The following KSR1 variants were observed in gnomAD, a reference collection of about 807,000 sequenced individuals.
KSR1 encodes kinase suppressor of ras.
Under a neutral mutation model 92.9 loss-of-function variants are expected in KSR1, and 35 were observed. The observed-to-expected ratio is 0.38, with a 90% CI of 0.29 to 0.50. KSR1 has a LOEUF of 0.50. KSR1 is among the 20% of genes least tolerant of loss of function. KSR1 has a pLI of 0.94. For missense variants in KSR1, 972 were observed against 1,158.5 expected (o/e 0.84, Z 2.34); for synonymous variants, 467 against 472.6 (o/e 0.99, Z 0.15).
At position 27,467,011 on chromosome 17, in the gene KSR1, G is replaced by A. The variant is rs2019731048; in HGVS notation, c.231+10137G>A. ...TTACGGCAAGCTTGCTTTGTGCCTG[G>A]CCCCCTTGTTAAGCTTTATGTAGCA... On this transcript the variant is annotated intron_variant, in intron 1 of 20. Transcript: ENST00000644974. 2.0e-5 allele frequency among the ~76,000 whole-genome samples: 3 copies of A among 152,234 alleles called. No homozygotes were observed. The South Asian group carries it at 6.2e-4, about 32-fold the overall frequency.
At chr17:27,481,512 G>C (rs190266612) in intron 1 of KSR1, among the ~76,000 whole-genome samples, 1 of 152,346 alleles carries the variant, frequency 6.6e-6, no homozygotes, top group East Asian at 1.9e-4. Flanking sequence ...CGTAGGTACT[G>C]TGGCCCTTCA....
At chr17:27,576,338 T>G (rs911990003) in intron 2 of KSR1, among the ~76,000 whole-genome samples, 1 of 152,182 alleles carries the variant, frequency 6.6e-6, no homozygotes, top group Non-Finnish European at 1.5e-5. Context: ...TATACTGTGT[T>G]TTTTCCTATA....
At chr17:27,523,220 A>T (rs376199952) in intron 1 of KSR1, among the ~76,000 whole-genome samples, 7 of 152,246 alleles carry the variant, frequency 4.6e-5, no homozygotes, top group African/African-American at 1.7e-4. Flanking sequence ...GAAGGAAACT[A>T]AAAGCCTATT....
intron 2 of KSR1, among the ~76,000 whole-genome samples, chr17:27,574,790 G>A (rs2072441712): frequency 6.6e-6 from 1 of 152,242 alleles, no homozygotes; most frequent in African/African-American, 2.4e-5. Flanking sequence ...CTCAAGAACT[G>A]TGAGCTTTAT....
intron 2 of KSR1, among the ~76,000 whole-genome samples, chr17:27,558,717 T>C (rs994559467): frequency 7.8e-5 from 11 of 140,442 alleles, no homozygotes; most frequent in South Asian, 2.3e-4. Context: ...TTTTTTTTTT[T>C]CTTTGGAAGG....
At chr17:27,606,965 G>A (rs2073774154) in intron 14 of KSR1, among the ~76,000 whole-genome samples, 1 of 152,026 alleles carries the variant, frequency 6.6e-6, no homozygotes, top group Non-Finnish European at 1.5e-5. Context: ...CCAAGTAGCT[G>A]GGATTACAGC....
rs974506711 is a variant in KSR1, at chr17:27,601,273, G to C, written c.1469-87G>C. On this transcript the variant is annotated intron_variant, in intron 10 of 20. Transcript: ENST00000644974. ...TGTCCCAGCCCAGTAACAAGTCCCT[G>C]CCTCCCAAGCCGGTACCTGCAATTC... is the stretch of plus-strand genomic sequence containing the variant. 10 of 1,183,688 alleles carry C rather than the reference G, an allele frequency of 8.4e-6. No homozygotes were observed. In the East Asian group the frequency reaches 2.4e-4, roughly 28 times the overall value. The allele number at this position is 1,183,688 out of a possible 1,614,324, so 73.3% of individuals were successfully genotyped here.
intron 1 of KSR1, among the ~76,000 whole-genome samples, chr17:27,497,246 A>G: frequency 6.6e-6 from 1 of 152,254 alleles, no homozygotes; most frequent in Non-Finnish European, 1.5e-5. Context: ...CTTAAACTCC[A>G]TACAGAGAAA....
chr17:27,603,731 G>A, intron 11 of KSR1, 103 bp from the exon 12 acceptor site: 1 of 1,154,426 alleles, frequency 8.7e-7, no homozygotes, highest in East Asian at 2.4e-5. Flanking sequence ...AGTCCACTCA[G>A]GGGAAAATCA....
chr17:27,456,976 C>A (rs1207715509), intron 1 of KSR1, 102 bp downstream of exon 1: 1 of 689,660 alleles, frequency 1.4e-6, no homozygotes. Flanking sequence ...GCCCGCGTCG[C>A]CCCCCTTGGA....
At chr17:27,461,197 T>C (rs1172198328) in intron 1 of KSR1, among the ~76,000 whole-genome samples, 1 of 152,200 alleles carries the variant, frequency 6.6e-6, no homozygotes, top group African/African-American at 2.4e-5. Flanking sequence ...TTCTCCTGCC[T>C]TAGCTTCTGA....
At chr17:27,516,151 G>A (rs887846589) in intron 1 of KSR1, among the ~76,000 whole-genome samples, 3 of 152,180 alleles carry the variant, frequency 2.0e-5, no homozygotes, top group African/African-American at 4.8e-5. Context: ...AGAAAAGGTA[G>A]TTGTGTGACG....
At chr17:27,535,165 A>T (rs1010680078) in intron 1 of KSR1, among the ~76,000 whole-genome samples, 1 of 152,156 alleles carries the variant, frequency 6.6e-6, no homozygotes, top group Non-Finnish European at 1.5e-5. Flanking sequence ...TGGGGTGGGC[A>T]GTGGTTGTGA....
chr17:27,605,286 C>A, intron 13 of KSR1, 148 bp from the exon 14 acceptor site: 1 of 996,020 alleles, frequency 1.0e-6, no homozygotes, highest in Non-Finnish European at 1.4e-6. Context: ...AGCTGCACAG[C>A]AGGCCAGTGC....
chr17:27,616,691 T>C (rs1045580939), intron 18 of KSR1, among the ~76,000 whole-genome samples: 9 of 152,190 alleles, frequency 5.9e-5, no homozygotes, highest in Admixed American at 5.9e-4. Context: ...AATAGGCCTT[T>C]CCTCACAGGC....
At chr17:27,523,837 TA>T (rs2070139795) in intron 1 of KSR1, among the ~76,000 whole-genome samples, 1 of 152,202 alleles carries the variant, frequency 6.6e-6, no homozygotes, top group Non-Finnish European at 1.5e-5. Context: ...GTGTCATGTA[TA>T]TATTCCTTTT....
At chr17:27,519,899 G>A (rs900120887) in intron 1 of KSR1, among the ~76,000 whole-genome samples, 5 of 152,096 alleles carry the variant, frequency 3.3e-5, no homozygotes, top group African/African-American at 1.2e-4. Context: ...CTGGGAGTGG[G>A]GATAGTAAAA....
At chr17:27,622,371 G>GGTTGGGAGGGT (rs779982486) in intron 20 of KSR1, 37 of 176,570 alleles carry the variant, frequency 2.1e-4, no homozygotes, top group Admixed American at 1.1e-3. Context: ...GGCGGGCGGA[G>GGTTGGGAGGGT]GTTGGGAGGG....
At chr17:27,526,352 C>A in intron 1 of KSR1, 1 of 1,373,284 alleles carries the variant, frequency 7.3e-7, no homozygotes, top group Non-Finnish European at 9.9e-7. Flanking sequence ...TCTTTGCCAA[C>A]ACAATTAATT....
Sources: gnomAD v4.1 joint callset for allele counts (sites outside exome capture counted in the v4.1 genomes callset) on GRCh38, gnomAD v4.1.1 for gene constraint, MANE v1.5 for transcripts, NCBI Gene and HGNC (gene_info 2026-07-23, HGNC 2026-07-21) for gene names.